Variants in LSM12 observed in about 807,000 individuals in gnomAD.
LSM12 encodes the protein LSM12 homolog.
For missense variants in LSM12, 108 were observed against 238.9 expected (o/e 0.45, Z 3.61); for synonymous variants, 74 against 87.3 (o/e 0.85, Z 0.85).
At chr17:44,037,241 T>G in intron 4 of LSM12, 171 bp downstream of exon 4, 1 of 672,344 alleles carries the variant, frequency 1.5e-6, no homozygotes, top group Non-Finnish European at 2.3e-6. Context: ...AGTGGTTCCA[T>G]TCCCACAGGA....
chr17:44,064,217 A>G (rs933385308), intron 1 of LSM12, among the ~76,000 whole-genome samples: 4 of 152,002 alleles, frequency 2.6e-5, no homozygotes, highest in Non-Finnish European at 5.9e-5. Context: ...CCTATGAGCC[A>G]GACAAAAGAG....
intron 2 of LSM12, among the ~76,000 whole-genome samples, chr17:44,050,686 A>G (rs1204922879): frequency 6.6e-6 from 1 of 151,898 alleles, no homozygotes; most frequent in Non-Finnish European, 1.5e-5. Context: ...ACACCCAGCT[A>G]ATTTTTGTAT....
At chr17:44,051,910 C>T (rs2144094906) in intron 2 of LSM12, among the ~76,000 whole-genome samples, 1 of 152,156 alleles carries the variant, frequency 6.6e-6, no homozygotes, top group East Asian at 1.9e-4. Flanking sequence ...GAGTTCAAGA[C>T]CAGCCTGGCC....
chr17:44,051,564 A>T (rs1301316080), intron 2 of LSM12, among the ~76,000 whole-genome samples: 1 of 150,600 alleles, frequency 6.6e-6, no homozygotes, highest in Non-Finnish European at 1.5e-5. Flanking sequence ...GGGAGGGGGA[A>T]ATATATATAT....
intron 1 of LSM12, among the ~76,000 whole-genome samples, chr17:44,066,260 G>A (rs1034151989): frequency 6.6e-6 from 1 of 151,942 alleles, no homozygotes; most frequent in Non-Finnish European, 1.5e-5. Flanking sequence ...CCCGCAAAGA[G>A]AGAGAGACAG....
intron 1 of LSM12, among the ~76,000 whole-genome samples, chr17:44,064,385 C>G (rs1481507171): frequency 6.6e-6 from 1 of 152,196 alleles, no homozygotes; most frequent in Non-Finnish European, 1.5e-5. Context: ...TTCATTCATT[C>G]ACAAACTCAT....
intron 4 of LSM12, 86 bp from the exon 5 acceptor site, chr17:44,036,386 C>G: frequency 6.5e-7 from 1 of 1,544,576 alleles, no homozygotes; most frequent in South Asian, 1.1e-5. Flanking sequence ...TCCACAGCCC[C>G]ATCCTGGCTG....
In LSM12 at chr17:44,064,105, C is replaced by T. The variant is rs531790715; in HGVS notation, c.125-171G>A. 1.4e-4 allele frequency among the ~76,000 whole-genome samples: 21 copies of T among 152,336 alleles called. No individual in the cohort carries two copies. In the Middle Eastern group the frequency reaches 0.01, roughly 74 times the overall value. On this transcript the variant is annotated intron_variant, in intron 1 of 4. Coordinates refer to ENST00000293406, the MANE Select transcript of LSM12 (RefSeq NM_001371445.1). ...TCAGGAAATCTCTGCCTGTCACCTT[C>T]CTCCTGCCCAAATCCTTGGAAGCTT... is the stretch of plus-strand genomic sequence containing the variant.
intron 4 of LSM12, among the ~76,000 whole-genome samples, chr17:44,036,689 G>GAAA (rs59987165): frequency 6.8e-6 from 1 of 146,142 alleles, no homozygotes. Context: ...TTCCTCAGAG[G>GAAA]AAAAAAAAAA....
chr17:44,044,180 T>C lies in LSM12; in HGVS notation c.259-3924A>G, dbSNP rs2049532051. On this transcript the variant is annotated intron_variant, in intron 2 of 4. Transcript: ENST00000293406. ...AATGTTTAAGAATGGAACTGACAAA[T>C]TAAGCTAGAGAAGGGGAGAAAAAAA... Among the ~76,000 whole-genome samples, 3 of 151,888 alleles carry C rather than the reference T, an allele frequency of 2.0e-5. 1 individual carries two copies. In the South Asian group the frequency reaches 6.2e-4, roughly 31 times the overall value.
At chr17:44,062,466 G>A (rs534601226) in intron 2 of LSM12, among the ~76,000 whole-genome samples, 13 of 152,316 alleles carry the variant, frequency 8.5e-5, no homozygotes, top group Admixed American at 7.8e-4. Flanking sequence ...GTGCTGATGG[G>A]TGGTAAGGCT....
chr17:44,052,054 G>A (rs1049845713), intron 2 of LSM12, among the ~76,000 whole-genome samples: 1 of 151,992 alleles, frequency 6.6e-6, no homozygotes, highest in East Asian at 1.9e-4. Context: ...GTAGCAATGA[G>A]CCAAGATCAT....
intron 2 of LSM12, among the ~76,000 whole-genome samples, chr17:44,053,959 C>T (rs1400226364): frequency 6.6e-6 from 1 of 152,126 alleles, no homozygotes; most frequent in African/African-American, 2.4e-5. Flanking sequence ...ACTGACCCAC[C>T]CTAATGTCCT....
chr17:44,038,821 G>A (rs1251015768), intron 3 of LSM12, among the ~76,000 whole-genome samples: 4 of 152,214 alleles, frequency 2.6e-5, no homozygotes, highest in East Asian at 1.9e-4. Context: ...GGAAGCCCCA[G>A]GGCAGCTGAT....
At chr17:44,040,099 C>G (rs563628917) in intron 3 of LSM12, 48 bp downstream of exon 3, 1 of 1,424,784 alleles carries the variant, frequency 7.0e-7, no homozygotes, top group African/African-American at 1.4e-5. Context: ...GACAGCACAA[C>G]CAGGTAGCAT....
At chr17:44,046,673 G>T (rs551894219) in intron 2 of LSM12, among the ~76,000 whole-genome samples, 7 of 132,678 alleles carry the variant, frequency 5.3e-5, no homozygotes, top group East Asian at 2.4e-4. Context: ...ATGCGCCACT[G>T]CACTCCAGCC....
Position 44,041,279 on chromosome 17 carries a change from A to T in LSM12, c.259-1023T>A, listed in dbSNP as rs2049484315. 4.7e-5 allele frequency among the ~76,000 whole-genome samples: 6 copies of T among 127,870 alleles called. No homozygotes were observed. The Admixed American group carries it at 5.3e-4, about 11-fold the overall frequency. 83.9% of individuals were successfully genotyped at this position (127,870 alleles called of 152,430 possible). A position where few individuals can be genotyped will look rare whatever the true frequency, so the allele number is the denominator to read the frequency against. Reference sequence around the variant, plus strand: ...AAGTGAGACTCTGTCTCTTTAAAAAAAAAAAAAACAAACACACACACACAC... The same window carrying T: ...AAGTGAGACTCTGTCTCTTTAAAAATAAAAAAAACAAACACACACACACAC... On this transcript the variant is annotated intron_variant, in intron 2 of 4. Transcript: ENST00000293406.
chr17:44,040,752 A>G (rs2049476837), intron 2 of LSM12, among the ~76,000 whole-genome samples: 1 of 151,630 alleles, frequency 6.6e-6, no homozygotes, highest in South Asian at 2.1e-4. Context: ...AGGCAGGTGG[A>G]TCACGAGGTC....
At chr17:44,064,732 C>CAAA (rs879636307) in intron 1 of LSM12, among the ~76,000 whole-genome samples, 7 of 63,532 alleles carry the variant, frequency 1.1e-4, no homozygotes, top group African/African-American at 3.0e-4. Flanking sequence ...GACTCCGTCT[C>CAAA]AAAAAAAAAA....
Sources: allele counts gnomAD v4.1 joint callset (sites outside exome capture counted in the v4.1 genomes callset), GRCh38; gene constraint gnomAD v4.1.1; transcripts MANE v1.5; gene names NCBI Gene and HGNC (gene_info 2026-07-23, HGNC 2026-07-21).